The following CPA6 variants were observed in gnomAD, a reference collection of about 807,000 sequenced individuals.
The protein encoded by CPA6 is carboxypeptidase B.
In CPA6, 58 loss-of-function variants were observed where a neutral mutation model predicts 63.3. That is an observed-to-expected ratio of 0.92 (90% CI 0.74 to 1.14). The LOEUF is 1.14. Ranked by LOEUF, CPA6 falls within the 50% of genes most tolerant of loss-of-function variation. The pLI is 0.00. For missense variants in CPA6, 565 were observed against 526.6 expected, an observed-to-expected ratio of 1.07 and a Z score of -0.71; for synonymous variants, 185 against 179.0, an observed-to-expected ratio of 1.03 and a Z score of -0.27.
intron 6 of CPA6, among the ~76,000 whole-genome samples, chr8:67,487,609 G>A (rs1320709860): frequency 6.6e-6 from 1 of 152,182 alleles, no homozygotes; most frequent in Non-Finnish European, 1.5e-5. Context: ...TCTAGTTCTA[G>A]ATCCTTGAGG....
intron 2 of CPA6, among the ~76,000 whole-genome samples, chr8:67,600,438 T>C (rs1213811510): frequency 6.6e-6 from 1 of 152,138 alleles, no homozygotes. Context: ...AAAAGATCTA[T>C]TGTACAATGT....
At chr8:67,651,241 TG>T (rs949699139) in intron 1 of CPA6, among the ~76,000 whole-genome samples, 17 of 152,196 alleles carry the variant, frequency 1.1e-4, no homozygotes, top group Non-Finnish European at 4.4e-5. Flanking sequence ...ATTTATGTGT[TG>T]TAGGACTTTT....
At chr8:67,429,309 G>A (rs1488825979) in intron 9 of CPA6, among the ~76,000 whole-genome samples, 1 of 152,146 alleles carries the variant, frequency 6.6e-6, no homozygotes, top group Non-Finnish European at 1.5e-5. Flanking sequence ...AAAAACACTG[G>A]TTTCAACAAG....
At chr8:67,483,434 G>T (rs552089479) in intron 8 of CPA6, 210 of 359,518 alleles carry the variant, frequency 5.8e-4, no homozygotes, top group African/African-American at 4.2e-3. Context: ...AGGATAAAAA[G>T]ATTTAACCAG....
intron 2 of CPA6, among the ~76,000 whole-genome samples, chr8:67,598,878 T>C (rs1814416232): frequency 6.6e-6 from 1 of 151,918 alleles, no homozygotes; most frequent in South Asian, 2.1e-4. Flanking sequence ...AAAAAGAAGA[T>C]ATTTTCATAG....
chr8:67,656,697 C>T (rs1587676611), intron 1 of CPA6, among the ~76,000 whole-genome samples: 1 of 152,086 alleles, frequency 6.6e-6, no homozygotes, highest in African/African-American at 2.4e-5. Flanking sequence ...TGGAGGGATT[C>T]AATGAGAATA....
chr8:67,713,506 T>C (rs1563404398), intron 1 of CPA6, among the ~76,000 whole-genome samples: 1 of 152,180 alleles, frequency 6.6e-6, no homozygotes, highest in Non-Finnish European at 1.5e-5. Flanking sequence ...AATCAGTTCA[T>C]GGCTCTGCTT....
intron 1 of CPA6, 144 bp downstream of exon 1, chr8:67,745,870 G>T: frequency 1.9e-6 from 1 of 533,034 alleles, no homozygotes; most frequent in Non-Finnish European, 3.4e-6. Flanking sequence ...AGAGAGCTGT[G>T]AGTACATTTT....
chr8:67,569,573 A>G (rs746493640), intron 2 of CPA6: 1 of 463,214 alleles, frequency 2.2e-6, no homozygotes, highest in Non-Finnish European at 4.4e-6. Flanking sequence ...CAACAAGCCC[A>G]GTTGTCAGCA....
At chr8:67,480,171 T>TTAGTGG (rs1295362259) in intron 8 of CPA6, among the ~76,000 whole-genome samples, 3 of 152,208 alleles carry the variant, frequency 2.0e-5, no homozygotes, top group African/African-American at 7.2e-5. Context: ...GAAACAAAAA[T>TTAGTGG]ATTTTTATAA....
At chr8:67,622,383 T>C (rs772950839) in intron 2 of CPA6, among the ~76,000 whole-genome samples, 5 of 152,230 alleles carry the variant, frequency 3.3e-5, no homozygotes, top group East Asian at 1.9e-4. Context: ...AGGTTAACGA[T>C]AGCCTCCTAG....
chr8:67,563,472 T>A (rs1464960537), intron 2 of CPA6, among the ~76,000 whole-genome samples: 1 of 152,204 alleles, frequency 6.6e-6, no homozygotes, highest in African/African-American at 2.4e-5. Flanking sequence ...TCTAAAAATC[T>A]TGGACAGAAC....
chr8:67,717,118 T>G (rs1334907712), intron 1 of CPA6, among the ~76,000 whole-genome samples: 5 of 152,196 alleles, frequency 3.3e-5, no homozygotes, highest in Non-Finnish European at 5.9e-5. Flanking sequence ...TCCCCTTCCT[T>G]CTGGAAACTT....
At chr8:67,737,651 T>C (rs1817839499) in intron 1 of CPA6, among the ~76,000 whole-genome samples, 1 of 152,216 alleles carries the variant, frequency 6.6e-6, no homozygotes, top group South Asian at 2.1e-4. Flanking sequence ...GGGCTGCTCT[T>C]TCATCTCTGT....
chr8:67,718,852 G>A (rs1817435791), intron 1 of CPA6, among the ~76,000 whole-genome samples: 2 of 152,124 alleles, frequency 1.3e-5, no homozygotes, highest in African/African-American at 4.8e-5. Flanking sequence ...TCACCATGTT[G>A]GCTAGGATGG....
intron 1 of CPA6, among the ~76,000 whole-genome samples, chr8:67,696,680 A>G (rs1239326371): frequency 9.9e-5 from 15 of 152,254 alleles, no homozygotes. Flanking sequence ...ACCACTCAGC[A>G]ATAAAGGGAT....
At chr8:67,511,762 A>G (rs894821074) in intron 3 of CPA6, 107 bp from the exon 4 acceptor site, 14 of 678,342 alleles carry the variant, frequency 2.1e-5, no homozygotes, top group Non-Finnish European at 2.9e-5. Flanking sequence ...GACTGTGGTG[A>G]TCAATATTCC....
intron 5 of CPA6, among the ~76,000 whole-genome samples, chr8:67,508,743 G>A (rs775610017): frequency 2.6e-5 from 4 of 151,992 alleles, no homozygotes; most frequent in Non-Finnish European, 5.9e-5. Flanking sequence ...GATGATTAGA[G>A]GTAAGTCTTT....
At chr8:67,715,791 T>C (rs1259615967) in intron 1 of CPA6, among the ~76,000 whole-genome samples, 2 of 152,158 alleles carry the variant, frequency 1.3e-5, no homozygotes, top group African/African-American at 4.8e-5. Flanking sequence ...TCAAAATATG[T>C]ACTTGGGTTA....
Sources: allele counts gnomAD v4.1 joint callset (sites outside exome capture counted in the v4.1 genomes callset), GRCh38; gene constraint gnomAD v4.1.1; transcripts MANE v1.5; gene names NCBI Gene and HGNC (gene_info 2026-07-23, HGNC 2026-07-21).